The following GDAP1 variants were observed in gnomAD, a reference collection of about 807,000 sequenced individuals.
GDAP1 encodes ganglioside-induced differentiation-associated protein 1.
Under a neutral mutation model 40.1 loss-of-function variants are expected in GDAP1, and 34 were observed. That is an observed-to-expected ratio of 0.85 (90% CI 0.64 to 1.13). GDAP1 has a LOEUF of 1.13. GDAP1 is among the 50% of genes most tolerant of loss of function. The pLI is 0.00. For synonymous variants in GDAP1, 170 were observed against 157.4 expected (o/e 1.08, Z -0.60); for missense variants, 374 against 433.7 (o/e 0.86, Z 1.22).
At chr8:74,368,404 A>G (rs1017807117), downstream of GDAP1, among the ~76,000 whole-genome samples, 1 of 152,220 alleles carries the variant, frequency 6.6e-6, no homozygotes. Flanking sequence ...CAGAGAGCCT[A>G]CATTTATTAA....
intron 2 of GDAP1, among the ~76,000 whole-genome samples, chr8:74,397,110 T>C (rs1586820996): frequency 6.6e-6 from 1 of 152,206 alleles, no homozygotes; most frequent in East Asian, 1.9e-4. Context: ...TGGCCAGTGA[T>C]GGTGAGCATT....
chr8:74,363,403 T>A (rs1467064448), intron 5 of GDAP1, among the ~76,000 whole-genome samples: 2 of 152,336 alleles, frequency 1.3e-5, no homozygotes, highest in East Asian at 3.9e-4. Context: ...CAGCCTCCAA[T>A]CTAAAGTGTA....
Position 74,461,212 on chromosome 8 carries a change from G to A in GDAP1, c.166-27466G>A, listed in dbSNP as rs10100273. On this transcript the variant is annotated intron_variant, in intron 2 of 2. Coordinates refer to the GDAP1 transcript ENST00000523640. ...GGAAAGGATTAGAGGATAGGCACAG[G>A]AGCATGCTGAGTTAAAAATGGGGTA... Among the ~76,000 whole-genome samples the A allele has an allele frequency of 5.6e-4, 85 of 152,310 alleles. No homozygotes were observed. The South Asian group carries it at 0.017, about 31-fold the overall frequency.
At chr8:74,381,856 G>T (rs1352926817) in intron 2 of GDAP1, among the ~76,000 whole-genome samples, 1 of 151,880 alleles carries the variant, frequency 6.6e-6, no homozygotes, top group East Asian at 1.9e-4. Flanking sequence ...AATTCTGCAG[G>T]GATATGTGTG....
intron 2 of GDAP1, among the ~76,000 whole-genome samples, chr8:74,404,790 A>G (rs1805616460): frequency 6.7e-6 from 1 of 149,854 alleles, no homozygotes; most frequent in Non-Finnish European, 1.5e-5. Context: ...TATTCTTGAG[A>G]CACTGAGGGT....
intron 2 of GDAP1, among the ~76,000 whole-genome samples, chr8:74,374,683 G>T (rs1055673114): frequency 6.6e-6 from 1 of 151,978 alleles, no homozygotes; most frequent in South Asian, 2.1e-4. Context: ...TACATATCCC[G>T]CAGAGTTTAA....
intron 2 of GDAP1, among the ~76,000 whole-genome samples, chr8:74,448,602 G>A (rs918062570): frequency 1.3e-5 from 2 of 151,974 alleles, no homozygotes; most frequent in Admixed American, 6.6e-5. Flanking sequence ...ATTGTTGTTC[G>A]TTTTACTGTT....
At chr8:74,472,239 C>T (rs1283593678) in intron 2 of GDAP1, among the ~76,000 whole-genome samples, 1 of 152,208 alleles carries the variant, frequency 6.6e-6, no homozygotes, top group South Asian at 2.1e-4. Flanking sequence ...CTTCCAACTA[C>T]CTCTATGTCC....
chr8:74,443,700 C>T (rs1429924725), intron 2 of GDAP1, among the ~76,000 whole-genome samples: 1 of 152,138 alleles, frequency 6.6e-6, no homozygotes, highest in Non-Finnish European at 1.5e-5. Context: ...GATCCAGCAC[C>T]CCAGCTATGG....
At chr8:74,370,698 G>T (rs1248791111), downstream of GDAP1, among the ~76,000 whole-genome samples, 2 of 152,124 alleles carry the variant, frequency 1.3e-5, no homozygotes, top group Non-Finnish European at 2.9e-5. Context: ...TCCAATTGAA[G>T]GTCAGAGATC....
rs540271294 is a variant in GDAP1, at chr8:74,392,753, A to G, written c.165+41432A>G. On this transcript the variant is annotated intron_variant, in intron 2 of 2. Coordinates refer to the GDAP1 transcript ENST00000523640. ...AGTGATTTATGCCATAGAGAGGGCA[A>G]CACAAATCTCAGTTTTCCCCAAACA... is the stretch of plus-strand genomic sequence containing the variant. 3.3e-5 allele frequency among the ~76,000 whole-genome samples: 5 copies of G among 152,350 alleles called. No homozygotes were observed. In the South Asian group the frequency reaches 1.0e-3, roughly 32 times the overall value.
chr8:74,425,007 G>T (rs895204277), intron 2 of GDAP1, among the ~76,000 whole-genome samples: 6 of 152,098 alleles, frequency 3.9e-5, no homozygotes, highest in Non-Finnish European at 5.9e-5. Flanking sequence ...TGACTTCTTG[G>T]ATCCTTCTCC....
intron 2 of GDAP1, among the ~76,000 whole-genome samples, chr8:74,427,630 T>C (rs866299648): frequency 7.2e-5 from 11 of 152,330 alleles, no homozygotes; most frequent in Middle Eastern, 3.4e-3. Flanking sequence ...AGAGGCTTTT[T>C]TTGAAGTATA....
intron 2 of GDAP1, among the ~76,000 whole-genome samples, chr8:74,381,870 G>T (rs971289586): frequency 2.0e-5 from 3 of 151,990 alleles, no homozygotes; most frequent in Non-Finnish European, 4.4e-5. Context: ...ATGTGTGAGA[G>T]AGGTCTTAAA....
intron 2 of GDAP1, among the ~76,000 whole-genome samples, chr8:74,441,908 C>T (rs1242367371): frequency 5.9e-5 from 9 of 152,086 alleles, no homozygotes; most frequent in Admixed American, 5.9e-4. Context: ...AGAGACATAC[C>T]CATATCCACC....
intron 2 of GDAP1, among the ~76,000 whole-genome samples, chr8:74,443,080 T>C (rs753061196): frequency 3.3e-5 from 5 of 152,204 alleles, no homozygotes; most frequent in Non-Finnish European, 5.9e-5. Context: ...GATGCATTTA[T>C]AGAAAAACTG....
downstream of GDAP1, among the ~76,000 whole-genome samples, chr8:74,371,194 G>A (rs952703814): frequency 1.3e-5 from 2 of 152,128 alleles, no homozygotes; most frequent in Non-Finnish European, 2.9e-5. Flanking sequence ...CATATTCTAG[G>A]CCATAAAACA....
At chr8:74,440,027 G>T (rs908900345) in intron 2 of GDAP1, among the ~76,000 whole-genome samples, 1 of 151,868 alleles carries the variant, frequency 6.6e-6, no homozygotes, top group African/African-American at 2.4e-5. Flanking sequence ...GGCATTATTG[G>T]AAAATTTAAT....
chr8:74,405,714 T>C (rs1289935246), intron 2 of GDAP1, among the ~76,000 whole-genome samples: 2 of 150,178 alleles, frequency 1.3e-5, no homozygotes, highest in Non-Finnish European at 1.5e-5. Context: ...TTCAAAATTG[T>C]TAAACCCATC....
Sources: gnomAD v4.1 joint callset for allele counts (sites outside exome capture counted in the v4.1 genomes callset) on GRCh38, gnomAD v4.1.1 for gene constraint, MANE v1.5 for transcripts, NCBI Gene and HGNC (gene_info 2026-07-23, HGNC 2026-07-21) for gene names.